WDFY4: variants seen among roughly 807,000 people sequenced by gnomAD.
WDFY4 encodes the protein WDFY family member 4.
Under a neutral mutation model 351.9 loss-of-function variants are expected in WDFY4, and 169 were observed. The ratio of observed to expected loss-of-function variants is 0.48; its 90% confidence interval spans 0.42 to 0.55. WDFY4 has a LOEUF of 0.55. Among genes scored for constraint, WDFY4 ranks in the 20% least tolerant of loss-of-function variants. The probability of loss-of-function intolerance (pLI) is 0.00; values close to 1 mark genes in which losing one functional copy is unlikely to be tolerated. For synonymous variants in WDFY4, 1,622 were observed against 1,574.6 expected (o/e 1.03, Z -0.71); for missense variants, 3,803 against 3,935.6 (o/e 0.97, Z 0.90).
At chr10:48,885,761 G>A (rs2070430395) in intron 43 of WDFY4, among the ~76,000 whole-genome samples, 1 of 151,930 alleles carries the variant, frequency 6.6e-6, no homozygotes, top group African/African-American at 2.4e-5. Context: ...TAGGTAGATA[G>A]ATAGATAAAT....
chr10:48,769,924 C>A (rs1443356354), intron 13 of WDFY4, among the ~76,000 whole-genome samples: 27 of 152,222 alleles, frequency 1.8e-4, no homozygotes, highest in Admixed American at 1.8e-3. Flanking sequence ...AGCCCGCTGG[C>A]CAACCTGGTG....
chr10:48,810,983 T>C (rs1277335461), intron 29 of WDFY4, among the ~76,000 whole-genome samples: 1 of 152,150 alleles, frequency 6.6e-6, no homozygotes, highest in Non-Finnish European at 1.5e-5. Context: ...TTAGCCCTGT[T>C]CTCCTGGGCA....
intron 61 of WDFY4, among the ~76,000 whole-genome samples, chr10:48,982,036 C>G (rs1243233792): frequency 3.6e-4 from 55 of 152,186 alleles, no homozygotes; most frequent in Non-Finnish European, 4.4e-5. Context: ...CTTCCTTCCT[C>G]CCTCACTGGC....
intron 11 of WDFY4, among the ~76,000 whole-genome samples, chr10:48,738,024 A>G (rs759867013): frequency 1.1e-4 from 16 of 152,226 alleles, no homozygotes; most frequent in Non-Finnish European, 2.1e-4. Flanking sequence ...ATTTTCCTTC[A>G]TATGTCCATG....
At chr10:48,915,298 G>A (rs751975285) in intron 47 of WDFY4, among the ~76,000 whole-genome samples, 7 of 152,112 alleles carry the variant, frequency 4.6e-5, no homozygotes, top group Non-Finnish European at 7.3e-5. Context: ...CCCTATCATA[G>A]CGAGACTGAG....
rs565543563 is a variant in WDFY4, at chr10:48,738,499, C to A, written c.1878+2429C>A. On this transcript the variant is annotated intron_variant, in intron 11 of 61. Transcript: ENST00000325239. The stretch of plus-strand genomic sequence containing the variant: ...CCCTGGGTGCCAAGTCACTGCTGGG[C>A]AGTTGGAGGGCCCAGGAGCTGGCAT... 1.7e-4 allele frequency among the ~76,000 whole-genome samples: 26 copies of A among 152,316 alleles called. No homozygotes were observed. In the East Asian group the frequency reaches 3.7e-3, roughly 21 times the overall value.
chr10:48,715,051 T>A (rs532782272), intron 2 of WDFY4, among the ~76,000 whole-genome samples: 3 of 152,198 alleles, frequency 2.0e-5, no homozygotes, highest in Non-Finnish European at 2.9e-5. Flanking sequence ...CTAGCTGCCA[T>A]GTTGTAAGGA....
intron 51 of WDFY4, among the ~76,000 whole-genome samples, chr10:48,951,257 C>T (rs981555465): frequency 6.6e-6 from 1 of 152,104 alleles, no homozygotes; most frequent in African/African-American, 2.4e-5. Context: ...TATATATGTA[C>T]TGTGTGATCT....
At chr10:48,944,582 C>T (rs1360124136) in intron 49 of WDFY4, among the ~76,000 whole-genome samples, 1 of 152,222 alleles carries the variant, frequency 6.6e-6, no homozygotes, top group Admixed American at 6.5e-5. Context: ...GGCAGACCTT[C>T]AGGATTTGGG....
chr10:48,781,745 T>C (rs754093493), intron 19 of WDFY4, among the ~76,000 whole-genome samples: 45 of 152,230 alleles, frequency 3.0e-4, no homozygotes, highest in Non-Finnish European at 5.4e-4. Flanking sequence ...GCACCTGTTA[T>C]GTGTTAGCTA....
chr10:48,756,102 A>G (rs927364050), intron 12 of WDFY4, among the ~76,000 whole-genome samples: 3 of 152,084 alleles, frequency 2.0e-5, no homozygotes, highest in African/African-American at 7.2e-5. Flanking sequence ...CATTAGATCT[A>G]TAGATCAATT....
intron 47 of WDFY4, among the ~76,000 whole-genome samples, chr10:48,917,955 G>A (rs1158932642): frequency 6.6e-6 from 1 of 152,158 alleles, no homozygotes; most frequent in Admixed American, 6.5e-5. Flanking sequence ...TACATAACGG[G>A]GAAGTGAGCA....
chr10:48,747,749 A>AT (rs2065058410), intron 12 of WDFY4, among the ~76,000 whole-genome samples: 1 of 151,846 alleles, frequency 6.6e-6, no homozygotes, highest in African/African-American at 2.4e-5. Context: ...CATATCTTTC[A>AT]TTTTTATTTC....
chr10:48,852,212 G>A (rs2068978465), intron 39 of WDFY4, among the ~76,000 whole-genome samples: 1 of 152,168 alleles, frequency 6.6e-6, no homozygotes, highest in Non-Finnish European at 1.5e-5. Flanking sequence ...TGGGAAGGTG[G>A]AGATACACCG....
intron 2 of WDFY4, among the ~76,000 whole-genome samples, chr10:48,719,023 C>T (rs555302464): frequency 3.3e-5 from 5 of 152,178 alleles, no homozygotes; most frequent in East Asian, 1.9e-4. Flanking sequence ...AACAACAACT[C>T]GGACTGGAGA....
Position 48,788,614 on chromosome 10 carries a change from C to T in WDFY4, c.3893C>T (p.Thr1298Ile). 1 of 1,551,804 alleles carries T rather than the reference C, an allele frequency of 6.4e-7. No homozygotes were observed. Among genetic ancestry groups the T allele is most frequent in the Non-Finnish European group, 8.7e-7 (1 of 1,147,006 alleles). The change falls in exon 21 of 62, where the codon ACC becomes ATC. Residue 1298 changes from threonine (T) to isoleucine (I), a missense_variant. By Grantham distance (89) the Thr-to-Ile change is moderately conservative. Coordinates refer to ENST00000325239, the MANE Select transcript of WDFY4 (RefSeq NM_001394531.1). ...CTTCACATAGCCAGCTCCTCTATCACCAGTGTAGCGGACATCAGAAATGCT... is the reference window on the plus strand; with the variant it reads ...CTTCACATAGCCAGCTCCTCTATCATCAGTGTAGCGGACATCAGAAATGCT... ...FGLHIASSSI[T>I]SVADIRNAYN...
At chr10:48,901,119 G>A (rs1426237401) in intron 46 of WDFY4, among the ~76,000 whole-genome samples, 1 of 152,232 alleles carries the variant, frequency 6.6e-6, no homozygotes, top group Non-Finnish European at 1.5e-5. Context: ...CATCCAAGAG[G>A]CAGGGCCAGG....
intron 13 of WDFY4, among the ~76,000 whole-genome samples, chr10:48,771,471 C>A (rs908377032): frequency 1.4e-4 from 22 of 152,206 alleles, no homozygotes; most frequent in Middle Eastern, 3.2e-3. Context: ...AGGCTTCTCA[C>A]AGTGATTGCA....
rs146601757 is a variant in WDFY4, at chr10:48,902,466, A to C, written c.7586+603A>C. ...AAGAAGGTGGTAGCTGGTTTTCTAC[A>C]GGAATGTGTGGGGACCAATCAAGAG... On this transcript the variant is annotated intron_variant, in intron 47 of 61. Coordinates refer to ENST00000325239, the MANE Select transcript of WDFY4 (RefSeq NM_001394531.1). Among the ~76,000 whole-genome samples the C allele has an allele frequency of 1.2e-3, 189 of 152,274 alleles. 2 individuals carry two copies. The East Asian group carries it at 0.029, about 24-fold the overall frequency.
Sources: gnomAD v4.1 joint callset for allele counts (sites outside exome capture counted in the v4.1 genomes callset) on GRCh38, gnomAD v4.1.1 for gene constraint, MANE v1.5 for transcripts, NCBI Gene and HGNC (gene_info 2026-07-23, HGNC 2026-07-21) for gene names.